Variants in RPTOR observed in about 807,000 individuals in gnomAD.
RPTOR encodes regulatory associated protein of MTOR complex 1, also known as regulatory-associated protein of mTOR.
RPTOR carries 21 observed loss-of-function variants against 169.9 expected under a neutral mutation model. The observed-to-expected ratio is 0.12, with a 90% CI of 0.09 to 0.18. The LOEUF (loss-of-function observed/expected upper bound fraction) is 0.18, where lower values mean the gene tolerates loss of function less well. RPTOR is among the 10% of genes least tolerant of loss of function. The pLI is 1.00. For synonymous variants in RPTOR, 732 were observed against 753.2 expected (o/e 0.97, Z 0.46); for missense variants, 1,133 against 1,855.9 (o/e 0.61, Z 7.16).
intron 25 of RPTOR, among the ~76,000 whole-genome samples, chr17:80,944,388 G>A (rs914273043): frequency 6.6e-6 from 1 of 152,228 alleles, no homozygotes; most frequent in Admixed American, 6.5e-5. Context: ...ATCTGACCCA[G>A]ATAAATTTGT....
At position 80,947,331 on chromosome 17, in the gene RPTOR, C is replaced by T. The variant is rs2144058149; in HGVS notation, c.3245C>T (p.Ser1082Leu). Reference protein sequence around the residue: ...AMEYLNGQDCSLLLTATDDGA... With the variant: ...AMEYLNGQDCLLLLTATDDGA... ...GAGTATCTGAACGGCCAGGACTGCT[C>T]GCTTCTGCTGACGGCCACAGGTGAG... is the stretch of plus-strand genomic sequence containing the variant. The change falls in exon 27 of 34, where the codon TCG (serine) becomes TTG (leucine). Residue 1082 changes from serine (S) to leucine (L), a missense_variant. Physicochemically the swap from Ser to Leu is moderately radical, Grantham distance 145. Around this residue, in one of 9 missense-constraint regions of RPTOR, gnomAD observed 410 missense variants for 623.7 expected, o/e 0.66. Coordinates refer to ENST00000306801, the MANE Select transcript of RPTOR (RefSeq NM_020761.3). The surrounding 1 kb of genome is among the most constrained non-coding windows in gnomAD (Gnocchi z 4.4). 1 of 1,578,894 alleles carries T rather than the reference C, an allele frequency of 6.3e-7. No homozygotes were observed. Among genetic ancestry groups the T allele is most frequent in the Non-Finnish European group, 8.6e-7 (1 of 1,164,656 alleles).
chr17:80,872,278 C>A (rs2068059923), intron 13 of RPTOR, among the ~76,000 whole-genome samples: 1 of 152,238 alleles, frequency 6.6e-6, no homozygotes, highest in African/African-American at 2.4e-5. Flanking sequence ...AGTAGCACTG[C>A]TGTGCAGAAT....
rs151284433 is a variant in RPTOR, at chr17:80,926,713, A to G, written c.2919+1233A>G. On this transcript the variant is annotated intron_variant, in intron 24 of 33. Coordinates refer to ENST00000306801, the MANE Select transcript of RPTOR (RefSeq NM_020761.3). Reference sequence around the variant, plus strand: ...AAATGCAGACCAAGAAGCCAGATTTACAGAACAATCACAGCCGTGCTTCTC... The same window carrying G: ...AAATGCAGACCAAGAAGCCAGATTTGCAGAACAATCACAGCCGTGCTTCTC... 5.5e-3 allele frequency among the ~76,000 whole-genome samples: 833 copies of G among 152,378 alleles called. 11 individuals are homozygous for G. The highest frequency in any genetic ancestry group is 0.019 in the African/African-American group (789 of 41,586).
In RPTOR at chr17:80,947,736, G is replaced by T. The variant is rs2069120489; in HGVS notation, c.3265+385G>T. Reference sequence around the variant, plus strand: ...ACGTGCCAGGTCCTCCCCGGCCAGGGTCTCCTGGCATCGCTGGCTCATTTG... The same window carrying T: ...ACGTGCCAGGTCCTCCCCGGCCAGGTTCTCCTGGCATCGCTGGCTCATTTG... On this transcript the variant is annotated intron_variant, in intron 27 of 33. Transcript: ENST00000306801. The surrounding 1 kb of genome is among the most constrained non-coding windows in gnomAD (Gnocchi z 4.4). 6.6e-6 allele frequency among the ~76,000 whole-genome samples: 1 copy of T among 152,106 alleles called. No homozygotes were observed. The highest frequency in any genetic ancestry group is 1.5e-5 in the Non-Finnish European group (1 of 68,022).
intron 10 of RPTOR, among the ~76,000 whole-genome samples, chr17:80,843,892 T>G (rs895692361): frequency 6.6e-6 from 1 of 152,188 alleles, no homozygotes; most frequent in African/African-American, 2.4e-5. Context: ...TATGTCAAAC[T>G]GCCTAGCACA....
At chr17:80,926,881 T>C (rs1598405633) in intron 24 of RPTOR, among the ~76,000 whole-genome samples, 1 of 152,292 alleles carries the variant, frequency 6.6e-6, no homozygotes, top group Non-Finnish European at 1.5e-5. Context: ...ACGAAGCACC[T>C]TTAGAGTCGG....
At chr17:80,907,708 G>A (rs1306913153) in intron 20 of RPTOR, among the ~76,000 whole-genome samples, 1 of 152,144 alleles carries the variant, frequency 6.6e-6, no homozygotes, top group South Asian at 2.1e-4. Flanking sequence ...GCAGGCTTCC[G>A]TCAGGTATCC....
rs34955105 is a variant in RPTOR at position 80,958,405 on chromosome 17, C to CTTTTTTTTT, written c.3477+690_3477+698dup. On this transcript the variant is annotated intron_variant, in intron 29 of 33. Transcript: ENST00000306801. ...TACAGAAGACAGAAGATTTTTGTTT[C>CTTTTTTTTT]TTTTTTTTTTTTTTTTTTTTTTTGA... 5.1e-4 allele frequency among the ~76,000 whole-genome samples: 43 copies of CTTTTTTTTT among 83,652 alleles called. 2 individuals carry two copies. The highest frequency in any genetic ancestry group is 2.1e-3 in the African/African-American group (40 of 18,942). 54.9% of individuals were successfully genotyped at this position (83,652 alleles called of 152,430 possible).
chr17:80,576,892 C>T (rs891236885), intron 1 of RPTOR, among the ~76,000 whole-genome samples: 5 of 151,986 alleles, frequency 3.3e-5, no homozygotes, highest in African/African-American at 4.8e-5. Context: ...TTTGTAGAGA[C>T]GGGGTTTTGC....
chr17:80,923,398 G>A, intron 22 of RPTOR, 92 bp from the exon 23 acceptor site: 5 of 1,415,684 alleles, frequency 3.5e-6, no homozygotes, highest in Non-Finnish European at 5.0e-6. Flanking sequence ...GCACCTGGGA[G>A]GGTGCAGGTG....
At chr17:80,703,023 C>A (rs563290491) in intron 3 of RPTOR, among the ~76,000 whole-genome samples, 1 of 152,336 alleles carries the variant, frequency 6.6e-6, no homozygotes, top group African/African-American at 2.4e-5. Context: ...CTGCAGTGAA[C>A]CCAGCCCCTG....
At chr17:80,891,581 G>A (rs921546531) in intron 17 of RPTOR, 139 bp from the exon 18 acceptor site, 2 of 669,808 alleles carry the variant, frequency 3.0e-6, no homozygotes, top group Admixed American at 2.3e-5. Context: ...TTCGAAAAGG[G>A]ATGGTCCCTG....
At position 80,896,460 on chromosome 17, in the gene RPTOR, C is replaced by T. The variant is rs369463168; in HGVS notation, c.2401+2595C>T. On this transcript the variant is annotated intron_variant, in intron 20 of 33. Transcript: ENST00000306801. ...CCCACGGCCATGCCGACACCCCACA[C>T]GGCCGCACCGACACATCCCACGGCC... 1.3e-3 allele frequency among the ~76,000 whole-genome samples: 28 copies of T among 21,156 alleles called. 2 individuals carry two copies. Among genetic ancestry groups the T allele is most frequent in the Admixed American group, 6.6e-3 (10 of 1,524 alleles). The allele number at this position is 21,156 out of a possible 152,430, so 13.9% of individuals were successfully genotyped here.
At chr17:80,963,266 G>A (rs1018860704) in intron 33 of RPTOR, among the ~76,000 whole-genome samples, 80 of 152,152 alleles carry the variant, frequency 5.3e-4, no homozygotes, top group Non-Finnish European at 3.4e-4. Flanking sequence ...CCCCAGTCCC[G>A]TCACTCCGGG....
chr17:80,859,282 A>G (rs1362496654), intron 13 of RPTOR, among the ~76,000 whole-genome samples: 1 of 152,236 alleles, frequency 6.6e-6, no homozygotes, highest in Non-Finnish European at 1.5e-5. Context: ...CTCGTGTGAC[A>G]CAGTGGAGAG....
intron 9 of RPTOR, among the ~76,000 whole-genome samples, chr17:80,833,922 G>A (rs946954761): frequency 6.6e-6 from 1 of 152,234 alleles, no homozygotes; most frequent in Non-Finnish European, 1.5e-5. Flanking sequence ...CCGGGAGGCG[G>A]AGGTTGCAGT....
chr17:80,822,192 G>C lies in RPTOR; in HGVS notation c.891-9G>C, dbSNP rs764517337. 11 of 1,613,830 alleles carry C rather than the reference G, an allele frequency of 6.8e-6. No homozygotes were observed. The highest frequency in any genetic ancestry group is 4.4e-5 in the South Asian group (4 of 91,084). ...GGCATCACTCATGAGAACGCCCCTT[G>C]TTTTCTAGGATCCCTGGCCGCCTGA... On this transcript the variant is annotated splice_polypyrimidine_tract_variant and intron_variant, in intron 7 of 33. Coordinates refer to ENST00000306801, the MANE Select transcript of RPTOR (RefSeq NM_020761.3).
At chr17:80,606,548 T>A (rs1208500548) in intron 1 of RPTOR, among the ~76,000 whole-genome samples, 1 of 152,144 alleles carries the variant, frequency 6.6e-6, no homozygotes, top group Non-Finnish European at 1.5e-5. Flanking sequence ...GATTGACAGT[T>A]TTTTCCCACC....
chr17:80,658,708 C>G (rs1347566087), intron 3 of RPTOR, among the ~76,000 whole-genome samples: 1 of 150,096 alleles, frequency 6.7e-6, no homozygotes, highest in South Asian at 2.1e-4. Flanking sequence ...GTACATTTCT[C>G]ATGTTCTGTT....
Sources: gnomAD v4.1 joint callset for allele counts (sites outside exome capture counted in the v4.1 genomes callset) on GRCh38, gnomAD v4.1.1 for gene constraint, gnomAD v4.1.1 regional missense constraint, Gnocchi (gnomAD v3.1) non-coding constraint, MANE v1.5 for transcripts, NCBI Gene and HGNC (gene_info 2026-07-23, HGNC 2026-07-21) for gene names.